Variants in HSF5 observed in about 807,000 individuals in gnomAD.
HSF5 encodes heat shock factor protein 5.
HSF5 carries 5 observed loss-of-function variants against 50.8 expected under a neutral mutation model. The ratio of observed to expected loss-of-function variants is 0.10; its 90% CI spans 0.05 to 0.21. The LOEUF (loss-of-function observed/expected upper bound fraction) is 0.21. Ranked by LOEUF, HSF5 falls within the 10% of genes least tolerant of loss-of-function variation. The probability of loss-of-function intolerance (pLI) is 1.00; values close to 1 mark genes in which losing one functional copy is unlikely to be tolerated. For missense variants in HSF5, 564 were observed against 762.6 expected (o/e 0.74, Z 3.07); for synonymous variants, 307 against 307.4 (o/e 1.00, Z 0.02).
chr17:58,436,796 G>A (rs117378248), intron 5 of HSF5, among the ~76,000 whole-genome samples: 1 of 151,626 alleles, frequency 6.6e-6, no homozygotes, highest in East Asian at 1.9e-4. Context: ...GTAAAACACA[G>A]GAATTCAGCA....
chr17:58,458,940 A>G lies in HSF5; in HGVS notation c.1548T>C (p.Asp516=). The G allele has an allele frequency of 6.2e-7, 1 of 1,608,434 alleles. No homozygotes were observed. The highest frequency in any genetic ancestry group is 8.5e-7 in the Non-Finnish European group (1 of 1,178,204). ...AACTGGTCTGGCATTTTATGTTGGC[A>G]TCCACCTAAAATATTAAACCCATTC... ...EGPPFSTHQV[D]ANIKCQTSSR... Residue 516 remains aspartate, a synonymous_variant, in exon 5 of 6, where the codon GAT becomes GAC. Transcript: ENST00000323777.
intron 5 of HSF5, among the ~76,000 whole-genome samples, chr17:58,435,898 C>CAAAA (rs11458311): frequency 1.7e-5 from 1 of 60,244 alleles, no homozygotes; most frequent in African/African-American, 6.3e-5. Context: ...GACTCCATCT[C>CAAAA]AAAAAAAAAA....
At chr17:58,474,963 A>C (rs1479776614) in intron 2 of HSF5, among the ~76,000 whole-genome samples, 1 of 152,172 alleles carries the variant, frequency 6.6e-6, no homozygotes, top group African/African-American at 2.4e-5. Context: ...TTAGGCCTTA[A>C]CCATTTTCTA....
intron 2 of HSF5, among the ~76,000 whole-genome samples, chr17:58,477,626 A>AT (rs1975035184): frequency 1.3e-5 from 2 of 151,394 alleles, no homozygotes; most frequent in South Asian, 4.2e-4. Context: ...CACCCAGCTA[A>AT]TTTTTTTGTA....
chr17:58,479,977 C>T lies in HSF5; in HGVS notation c.841G>A (p.Gly281Ser), dbSNP rs1567918918. 1 of 1,614,056 alleles carries T rather than the reference C, an allele frequency of 6.2e-7. No individual in the cohort carries two copies. The highest frequency in any genetic ancestry group is 8.5e-7 in the Non-Finnish European group (1 of 1,179,990). The stretch of plus-strand genomic sequence containing the variant: ...GAGGAGCTGACCATTGTTTGAGGAC[C>T]TTGTTGAACATGTACAGATGTGGTG... ...PSTTSVHVQQ[G>S]PQTMVSSSQK... The change falls in exon 2 of 6, where the codon GGT becomes AGT. Residue 281 changes from glycine to serine, a missense_variant. Around this residue, in one of 5 missense-constraint regions of HSF5, gnomAD observed 441 missense variants for 533.6 expected, o/e 0.83. Transcript: ENST00000323777.
intron 5 of HSF5, among the ~76,000 whole-genome samples, chr17:58,428,001 GC>G (rs1168769201): frequency 7.2e-5 from 11 of 152,228 alleles, no homozygotes; most frequent in African/African-American, 2.2e-4. Context: ...GGCTGTGACT[GC>G]ATGTTCCAAT....
chr17:58,438,658 G>A (rs924970759), intron 5 of HSF5, among the ~76,000 whole-genome samples: 3 of 152,016 alleles, frequency 2.0e-5, no homozygotes, highest in Admixed American at 2.0e-4. Context: ...GACACATTCA[G>A]CAAAGCCCTA....
intron 4 of HSF5, among the ~76,000 whole-genome samples, chr17:58,461,212 TCACAACAAC>T (rs1410450608): frequency 8.6e-5 from 7 of 81,800 alleles, no homozygotes; most frequent in African/African-American, 2.7e-4. Context: ...AGATTCCATC[TCACAACAAC>T]AACAACAACA....
intron 2 of HSF5, among the ~76,000 whole-genome samples, chr17:58,478,959 C>A (rs991686426): frequency 6.6e-6 from 1 of 150,924 alleles, no homozygotes; most frequent in Non-Finnish European, 1.5e-5. Context: ...CTATCATAAG[C>A]GTTCCCAATT....
chr17:58,425,575 C>CAAA lies in HSF5; in HGVS notation c.1721-3148_1721-3146dup, dbSNP rs66502039. On this transcript the variant is annotated intron_variant, in intron 5 of 5. Transcript: ENST00000323777. ...GGGCAACATAGTAAGACCTCTATCT[C>CAAA]AAAAAAAAAAAAAAAAAAAAAAAAA... Among the ~76,000 whole-genome samples, 117 of 32,972 alleles carry CAAA rather than the reference C, an allele frequency of 3.5e-3. 15 individuals carry two copies. Among genetic ancestry groups the CAAA allele is most frequent in the African/African-American group, 9.1e-3 (62 of 6,798 alleles). 21.6% of individuals were successfully genotyped at this position (32,972 alleles called of 152,430 possible).
At chr17:58,459,379 A>G (rs1358907376) in intron 4 of HSF5, among the ~76,000 whole-genome samples, 1 of 152,000 alleles carries the variant, frequency 6.6e-6, no homozygotes, top group African/African-American at 2.4e-5. Context: ...CGGGCGCGGT[A>G]GCTCACAGCT....
intron 2 of HSF5, among the ~76,000 whole-genome samples, chr17:58,477,818 T>G (rs991412058): frequency 6.6e-6 from 1 of 151,950 alleles, no homozygotes. Context: ...CTTTTTTTTT[T>G]AATATTTAAA....
intron 5 of HSF5, among the ~76,000 whole-genome samples, chr17:58,427,069 T>C (rs1287961692): frequency 1.3e-5 from 2 of 151,992 alleles, no homozygotes; most frequent in Non-Finnish European, 2.9e-5. Context: ...CTAGGCAACA[T>C]GGTGAAACCC....
In HSF5 at chr17:58,463,228, T is replaced by TAAC. The variant is rs1324375731; in HGVS notation, c.1095_1096insGTT (p.Asn365_Thr366insVal). ...GCCTCTAGGTTTACTTCTGTCTTTG[T>TAAC]ATTTTCATCAGTAGTACTGCAGGGC... On this transcript the variant is annotated inframe_insertion, in exon 4 of 6. Coordinates refer to ENST00000323777, the MANE Select transcript of HSF5 (RefSeq NM_001080439.3). 6 of 1,613,952 alleles carry TAAC rather than the reference T, an allele frequency of 3.7e-6. No individual in the cohort carries two copies. Among genetic ancestry groups the TAAC allele is most frequent in the Non-Finnish European group, 5.1e-6 (6 of 1,179,892 alleles).
intron 2 of HSF5, among the ~76,000 whole-genome samples, chr17:58,477,402 G>C (rs1441552548): frequency 6.6e-6 from 1 of 150,516 alleles, no homozygotes; most frequent in African/African-American, 2.4e-5. Flanking sequence ...TTACAGGTGT[G>C]AGCCACCATG....
chr17:58,433,952 C>T (rs1166980771), intron 5 of HSF5, among the ~76,000 whole-genome samples: 4 of 133,966 alleles, frequency 3.0e-5, no homozygotes, highest in Non-Finnish European at 4.7e-5. Context: ...TCACTCTTGT[C>T]GCCCAGGCTG....
chr17:58,430,539 C>T (rs897250286), intron 5 of HSF5, among the ~76,000 whole-genome samples: 1 of 152,162 alleles, frequency 6.6e-6, no homozygotes, highest in Non-Finnish European at 1.5e-5. Context: ...GTGTCTGCAG[C>T]TGGGGTACAC....
chr17:58,450,789 A>C (rs1313215602), intron 5 of HSF5, among the ~76,000 whole-genome samples: 1 of 151,570 alleles, frequency 6.6e-6, no homozygotes, highest in African/African-American at 2.4e-5. Context: ...AAAACCAATA[A>C]AAAATAATGA....
At chr17:58,446,661 A>G (rs1974566231) in intron 5 of HSF5, among the ~76,000 whole-genome samples, 1 of 152,188 alleles carries the variant, frequency 6.6e-6, no homozygotes. Flanking sequence ...TTTCCGTGGC[A>G]GGCAGGCCAG....
Sources: gnomAD v4.1 joint callset for allele counts (sites outside exome capture counted in the v4.1 genomes callset) on GRCh38, gnomAD v4.1.1 for gene constraint, gnomAD v4.1.1 regional missense constraint, MANE v1.5 for transcripts, NCBI Gene and HGNC (gene_info 2026-07-23, HGNC 2026-07-21) for gene names.